Variants in FAM219A observed in about 807,000 individuals in gnomAD.
FAM219A encodes the protein protein FAM219A.
FAM219A carries 7 observed loss-of-function variants against 23.4 expected under a neutral mutation model. That is an observed-to-expected ratio of 0.30 (90% confidence interval 0.17 to 0.56). The LOEUF is 0.56. Ranked by LOEUF, FAM219A falls within the 20% of genes least tolerant of loss-of-function variation. The pLI is 0.92. For synonymous variants in FAM219A, 93 were observed against 99.0 expected, an observed-to-expected ratio of 0.94 and a Z score of 0.36; for missense variants, 166 against 246.9, an observed-to-expected ratio of 0.67 and a Z score of 2.20.
intron 1 of FAM219A, among the ~76,000 whole-genome samples, chr9:34,414,341 C>T (rs11795353): frequency 0.45 from 68,361 of 151,974 alleles, 16,150 homozygotes; most frequent in Middle Eastern, 0.59. Context: ...GTTTTTGTTC[C>T]CCATCTCCCT....
intron 1 of FAM219A, among the ~76,000 whole-genome samples, chr9:34,429,166 C>T (rs915414944): frequency 2.6e-5 from 4 of 152,194 alleles, no homozygotes; most frequent in African/African-American, 9.7e-5. Flanking sequence ...AAGAGGGAGC[C>T]TGCAGCTGTT....
chr9:34,451,041 A>C (rs1477687490), intron 1 of FAM219A, among the ~76,000 whole-genome samples: 1 of 152,238 alleles, frequency 6.6e-6, no homozygotes, highest in Non-Finnish European at 1.5e-5. Context: ...AATAACAATA[A>C]TAACAACAAA....
At chr9:34,440,619 G>C (rs550874551) in intron 1 of FAM219A, among the ~76,000 whole-genome samples, 1 of 152,040 alleles carries the variant, frequency 6.6e-6, no homozygotes, top group South Asian at 2.1e-4. Flanking sequence ...GGAAGGCCGA[G>C]GCGGGCGGAT....
chr9:34,454,388 A>T (rs1017838909), intron 1 of FAM219A, among the ~76,000 whole-genome samples: 1 of 152,154 alleles, frequency 6.6e-6, no homozygotes, highest in Non-Finnish European at 1.5e-5. Flanking sequence ...GTGAGCCAAG[A>T]TCACACCACC....
chr9:34,405,766 T>C lies in FAM219A; in HGVS notation c.160+99A>G. 8.3e-7 allele frequency: 1 copy of C among 1,202,024 alleles called. No individual in the cohort carries two copies. Among genetic ancestry groups the C allele is most frequent in the Non-Finnish European group, 1.2e-6 (1 of 835,736 alleles). 74.5% of individuals were successfully genotyped at this position (1,202,024 alleles called of 1,614,324 possible). ...CTTGAAGGCTTGAGTCTTGGAATCA[T>C]CTAGGCTGAGCTGGTTTATTTGTGG... On this transcript the variant is annotated intron_variant, in intron 2 of 5. Coordinates refer to ENST00000651358, the MANE Select transcript of FAM219A (RefSeq NM_001184940.2).
At chr9:34,436,329 G>A (rs1822917679) in intron 1 of FAM219A, among the ~76,000 whole-genome samples, 1 of 151,606 alleles carries the variant, frequency 6.6e-6, no homozygotes, top group African/African-American at 2.4e-5. Context: ...CTGCAGCCTT[G>A]ACCTCCTGGG....
chr9:34,422,600 C>G lies in FAM219A; in HGVS notation c.61-16636G>C, dbSNP rs374308376. ...CTTTAGAAAATAGCATGGATGCTTT[C>G]TGATCACAAGCTTCCTGCTCAATTG... On this transcript the variant is annotated intron_variant, in intron 1 of 5. Transcript: ENST00000651358. 1.6e-4 allele frequency among the ~76,000 whole-genome samples: 25 copies of G among 152,296 alleles called. No homozygotes were observed. In the East Asian group the frequency reaches 4.6e-3, roughly 28 times the overall value.
chr9:34,425,051 C>G (rs571961131), intron 1 of FAM219A, among the ~76,000 whole-genome samples: 2 of 152,246 alleles, frequency 1.3e-5, no homozygotes, highest in South Asian at 4.2e-4. Flanking sequence ...AGCGATCTAC[C>G]CCCTCGGCCT....
chr9:34,437,962 C>T (rs1822986920), intron 1 of FAM219A, among the ~76,000 whole-genome samples: 1 of 152,208 alleles, frequency 6.6e-6, no homozygotes, highest in Admixed American at 6.5e-5. Flanking sequence ...GCGCGTGGCG[C>T]TTGCGGGCCA....
chr9:34,425,097 G>A (rs376357398), intron 1 of FAM219A, among the ~76,000 whole-genome samples: 2 of 151,778 alleles, frequency 1.3e-5, no homozygotes, highest in East Asian at 1.9e-4. Flanking sequence ...GAGCCACCGC[G>A]CCCAGCCCTT....
At chr9:34,413,989 C>T (rs1312178048) in intron 1 of FAM219A, among the ~76,000 whole-genome samples, 1 of 152,176 alleles carries the variant, frequency 6.6e-6, no homozygotes, top group African/African-American at 2.4e-5. Context: ...AGGGCTATTC[C>T]ATTCCAAAAC....
At chr9:34,442,555 C>T (rs1203617474) in intron 1 of FAM219A, among the ~76,000 whole-genome samples, 1 of 151,958 alleles carries the variant, frequency 6.6e-6, no homozygotes, top group Non-Finnish European at 1.5e-5. Context: ...CATGATAGCA[C>T]GTGCCTGTAA....
At chr9:34,419,423 G>A (rs1822170141) in intron 1 of FAM219A, among the ~76,000 whole-genome samples, 1 of 152,122 alleles carries the variant, frequency 6.6e-6, no homozygotes, top group Non-Finnish European at 1.5e-5. Flanking sequence ...AAGATGGCAA[G>A]GTTGTTCAAG....
intron 2 of FAM219A, among the ~76,000 whole-genome samples, chr9:34,403,501 G>A (rs975999521): frequency 6.6e-6 from 1 of 152,230 alleles, no homozygotes; most frequent in Non-Finnish European, 1.5e-5. Context: ...AGGGGCAGAA[G>A]GCTGGGGGAG....
chr9:34,401,734 A>G lies in FAM219A; in HGVS notation c.345-14T>C, dbSNP rs1311734209. 1 of 1,603,936 alleles carries G rather than the reference A, an allele frequency of 6.2e-7. No homozygotes were observed. Among genetic ancestry groups the G allele is most frequent in the Non-Finnish European group, 8.5e-7 (1 of 1,176,400 alleles). ...AAGTCATCATCGCTGGCCATGGAGG[A>G]AAGAGAGGGAAAGTGATACCAAGAA... On this transcript the variant is annotated splice_polypyrimidine_tract_variant and intron_variant, in intron 4 of 5. Coordinates refer to ENST00000651358, the MANE Select transcript of FAM219A (RefSeq NM_001184940.2).
chr9:34,402,461 G>T lies in FAM219A; in HGVS notation c.270C>A (p.Val90=). The change falls in exon 4 of 6, where the codon GTC becomes GTA. Residue 90 remains valine (V), a synonymous_variant. Transcript: ENST00000651358. The stretch of plus-strand genomic sequence containing the variant: ...GTGAGGAGTAGCCTTTATTGGGGAC[G>T]ACCAGCCTAGGTGAAGAATTTCGGG... The part of the protein sequence containing the change: ...KNNVMARTRL[V]VPNKGYSSLD... 6.2e-7 allele frequency: 1 copy of T among 1,614,112 alleles called. No homozygotes were observed. The highest frequency in any genetic ancestry group is 1.1e-5 in the South Asian group (1 of 91,052).
At chr9:34,440,844 C>T (rs13300413) in intron 1 of FAM219A, among the ~76,000 whole-genome samples, 3 of 145,030 alleles carry the variant, frequency 2.1e-5, no homozygotes, top group Admixed American at 6.9e-5. Context: ...GAGTGAGACT[C>T]GGTCTCAAAA....
chr9:34,401,604 TC>T (rs888472878), intron 5 of FAM219A, 61 bp downstream of exon 5: 4 of 1,563,502 alleles, frequency 2.6e-6, no homozygotes, highest in Non-Finnish European at 2.6e-6. Context: ...GCCCCAGCCC[TC>T]CCCCGGGATG....
In FAM219A at chr9:34,458,296, C is replaced by G. The variant is rs1463791279; in HGVS notation, c.-33G>C. On this transcript the variant is annotated 5_prime_UTR_variant, in exon 1 of 6. Coordinates refer to ENST00000651358, the MANE Select transcript of FAM219A (RefSeq NM_001184940.2). This position sits in a 1 kb window ranked among gnomAD's most constrained non-coding sequence, Gnocchi z 6.6. ...GCGGGCGAGCGGGCCAGGGGCCGGGCGCGGCCGCGGACGCCGACAGGACCG... is the reference window on the plus strand; with the variant it reads ...GCGGGCGAGCGGGCCAGGGGCCGGGGGCGGCCGCGGACGCCGACAGGACCG... The G allele has an allele frequency of 7.3e-7, 1 of 1,360,786 alleles. No individual in the cohort carries two copies. The highest frequency in any genetic ancestry group is 9.5e-7 in the Non-Finnish European group (1 of 1,056,724). 84.3% of individuals were successfully genotyped at this position (1,360,786 alleles called of 1,614,324 possible). A position where few individuals can be genotyped will look rare whatever the true frequency, so the allele number is the denominator to read the frequency against.
Sources: allele counts gnomAD v4.1 joint callset (sites outside exome capture counted in the v4.1 genomes callset), GRCh38; gene constraint gnomAD v4.1.1; non-coding constraint Gnocchi (gnomAD v3.1); transcripts MANE v1.5; gene names NCBI Gene and HGNC (gene_info 2026-07-23, HGNC 2026-07-21).